Variants in TAFA1 observed in about 807,000 individuals in gnomAD.
TAFA1 encodes the protein chemokine-like protein TAFA-1.
In TAFA1, 4 loss-of-function variants were observed where a neutral mutation model predicts 18.5. The observed-to-expected ratio is 0.22, with a 90% confidence interval of 0.11 to 0.49. The LOEUF is 0.49. Among genes scored for constraint, TAFA1 ranks in the 20% least tolerant of loss-of-function variants. The probability of loss-of-function intolerance (pLI) is 0.98; values close to 1 mark genes in which losing one functional copy is unlikely to be tolerated. For synonymous variants in TAFA1, 56 were observed against 55.2 expected (o/e 1.01, Z -0.06); for missense variants, 147 against 169.0 (o/e 0.87, Z 0.72).
intron 2 of TAFA1, among the ~76,000 whole-genome samples, chr3:68,188,530 G>T (rs1007843575): frequency 6.0e-5 from 9 of 149,056 alleles, no homozygotes; most frequent in African/African-American, 2.0e-4. Flanking sequence ...TATAGAGAGA[G>T]AGAGAGAGAG....
chr3:68,172,832 C>A (rs1039077996), intron 2 of TAFA1, among the ~76,000 whole-genome samples: 1 of 151,970 alleles, frequency 6.6e-6, no homozygotes, highest in Non-Finnish European at 1.5e-5. Context: ...TCTGTAGAGA[C>A]ATAAATGGAT....
At chr3:68,537,206 G>A (rs1273951211) in intron 3 of TAFA1, among the ~76,000 whole-genome samples, 3 of 151,952 alleles carry the variant, frequency 2.0e-5, no homozygotes, top group African/African-American at 7.3e-5. Context: ...AAGTGTAGGG[G>A]GCAAAGAAAA....
At chr3:68,172,199 G>A (rs4642132) in intron 2 of TAFA1, among the ~76,000 whole-genome samples, 2,574 of 152,230 alleles carry the variant, frequency 0.017, 76 homozygotes, top group African/African-American at 0.058. Flanking sequence ...AATCTTGAGA[G>A]CAACAGAGAA....
intron 2 of TAFA1, among the ~76,000 whole-genome samples, chr3:68,292,384 A>T (rs1273305545): frequency 5.4e-5 from 8 of 149,164 alleles, no homozygotes; most frequent in Non-Finnish European, 1.0e-4. Flanking sequence ...ACAGCACCCC[A>T]GCCTGAGCAA....
At chr3:68,057,874 G>C (rs2064555381) in intron 2 of TAFA1, among the ~76,000 whole-genome samples, 1 of 152,168 alleles carries the variant, frequency 6.6e-6, no homozygotes, top group Non-Finnish European at 1.5e-5. Flanking sequence ...GCTTCTAGAA[G>C]CTAGAGAAGG....
chr3:68,472,476 C>A (rs1044999920), intron 3 of TAFA1, among the ~76,000 whole-genome samples: 1 of 151,366 alleles, frequency 6.6e-6, no homozygotes, highest in South Asian at 2.1e-4. Context: ...AAGCCTTCTA[C>A]ATGTGACAAA....
At chr3:68,376,363 C>T (rs529080554) in intron 2 of TAFA1, among the ~76,000 whole-genome samples, 4 of 151,804 alleles carry the variant, frequency 2.6e-5, no homozygotes, top group African/African-American at 9.7e-5. Flanking sequence ...AGGTATTAAG[C>T]CCAGTACCCA....
intron 2 of TAFA1, among the ~76,000 whole-genome samples, chr3:68,216,598 C>T (rs2066660441): frequency 6.6e-6 from 1 of 152,014 alleles, no homozygotes; most frequent in African/African-American, 2.4e-5. Flanking sequence ...TAGCAGTGAG[C>T]ACACTTAGTG....
At chr3:68,452,976 C>T (rs943935334) in intron 3 of TAFA1, among the ~76,000 whole-genome samples, 1 of 152,156 alleles carries the variant, frequency 6.6e-6, no homozygotes, top group African/African-American at 2.4e-5. Context: ...GGCTCATCTA[C>T]TCGCCTCTTT....
intron 3 of TAFA1, among the ~76,000 whole-genome samples, chr3:68,439,270 T>G (rs1434950527): frequency 6.6e-6 from 1 of 151,552 alleles, no homozygotes; most frequent in East Asian, 1.9e-4. Flanking sequence ...AGTGGACAAA[T>G]GTGACCATGA....
In TAFA1 at chr3:68,325,296, C is replaced by A. The variant is rs138641811; in HGVS notation, c.119-91984C>A. Among the ~76,000 whole-genome samples, 38 of 152,152 alleles carry A rather than the reference C, an allele frequency of 2.5e-4. No individual in the cohort carries two copies. The East Asian group carries it at 7.2e-3, about 29-fold the overall frequency. On this transcript the variant is annotated intron_variant, in intron 2 of 4. Coordinates refer to ENST00000478136, the MANE Select transcript of TAFA1 (RefSeq NM_213609.4). ...CTGTAGAGCGACGTGGTTGGGAGCC[C>A]GAGTTAAGAGCCACATCATCTGGGT...
intron 3 of TAFA1, among the ~76,000 whole-genome samples, chr3:68,443,718 T>C (rs1325420095): frequency 1.3e-5 from 2 of 152,052 alleles, no homozygotes; most frequent in African/African-American, 4.8e-5. Flanking sequence ...ATTCACCAGG[T>C]TTCTCCCATG....
intron 2 of TAFA1, among the ~76,000 whole-genome samples, chr3:68,065,740 G>GTATATA (rs60396289): frequency 1.2e-3 from 164 of 133,440 alleles, no homozygotes; most frequent in Non-Finnish European, 2.0e-3. Flanking sequence ...GTGTGTGTGT[G>GTATATA]TATATATATA....
chr3:67,992,745 C>T, the TAFA1 span, among the ~76,000 whole-genome samples: 5,349 of 152,258 alleles, frequency 0.035, 147 homozygotes, highest in East Asian at 0.062. Flanking sequence ...TTATCCTTCT[C>T]CCTCCTTCTC....
intron 3 of TAFA1, among the ~76,000 whole-genome samples, chr3:68,534,687 C>T (rs2106781787): frequency 6.6e-6 from 1 of 152,214 alleles, no homozygotes; most frequent in Non-Finnish European, 1.5e-5. Context: ...ACCAGTGGAT[C>T]TTTACAACCT....
intron 3 of TAFA1, among the ~76,000 whole-genome samples, chr3:68,485,269 T>A (rs1372015338): frequency 1.3e-5 from 2 of 152,316 alleles, no homozygotes; most frequent in East Asian, 3.9e-4. Context: ...TTGCCAGATG[T>A]CTAACTGATT....
intron 3 of TAFA1, among the ~76,000 whole-genome samples, chr3:68,476,170 G>A (rs2072093355): frequency 6.6e-6 from 1 of 152,146 alleles, no homozygotes; most frequent in East Asian, 1.9e-4. Context: ...CTGACAAATA[G>A]GATCTAATTA....
Position 68,358,957 on chromosome 3 carries a change from A to G in TAFA1, c.119-58323A>G, listed in dbSNP as rs536943175. 5.3e-5 allele frequency among the ~76,000 whole-genome samples: 8 copies of G among 152,060 alleles called. No individual in the cohort carries two copies. The South Asian group carries it at 1.7e-3, about 32-fold the overall frequency. On this transcript the variant is annotated intron_variant, in intron 2 of 4. Coordinates refer to ENST00000478136, the MANE Select transcript of TAFA1 (RefSeq NM_213609.4). Reference sequence around the variant, plus strand: ...CAACTTGATTTAGAATTAATCAGGTATCATCTTCTGTCAAGGCTATGGCCA... The same window carrying G: ...CAACTTGATTTAGAATTAATCAGGTGTCATCTTCTGTCAAGGCTATGGCCA...
At chr3:68,252,613 T>C (rs554361515) in intron 2 of TAFA1, among the ~76,000 whole-genome samples, 36 of 152,266 alleles carry the variant, frequency 2.4e-4, no homozygotes, top group African/African-American at 8.4e-4. Flanking sequence ...TGTCTTATCA[T>C]TGCAGGCACT....
Sources: allele counts gnomAD v4.1 joint callset (sites outside exome capture counted in the v4.1 genomes callset), GRCh38; gene constraint gnomAD v4.1.1; transcripts MANE v1.5; gene names NCBI Gene and HGNC (gene_info 2026-07-23, HGNC 2026-07-21).